RASA3: variants seen among roughly 807,000 people sequenced by gnomAD.
RASA3 encodes the protein RAS p21 protein activator 3.
Under a neutral mutation model 110.0 loss-of-function variants are expected in RASA3, and 73 were observed. That is an observed-to-expected ratio of 0.66 (90% CI 0.55 to 0.81). The LOEUF (loss-of-function observed/expected upper bound fraction) is 0.81. RASA3 is among the 30% of genes least tolerant of loss of function. RASA3 has a pLI of 0.00. For missense variants in RASA3, 976 were observed against 1,113.2 expected, an observed-to-expected ratio of 0.88 and a Z score of 1.75; for synonymous variants, 500 against 451.4, an observed-to-expected ratio of 1.11 and a Z score of -1.37.
At chr13:114,064,903 G>C (rs188171878) in intron 2 of RASA3, among the ~76,000 whole-genome samples, 209 of 152,340 alleles carry the variant, frequency 1.4e-3, no homozygotes, top group African/African-American at 4.8e-3. Flanking sequence ...GACCAGGCTC[G>C]CCTGAAATCC....
At chr13:114,098,290 T>C (rs975632960) in intron 1 of RASA3, among the ~76,000 whole-genome samples, 3 of 151,960 alleles carry the variant, frequency 2.0e-5, no homozygotes, top group Non-Finnish European at 4.4e-5. Context: ...GGGGCAGAGC[T>C]GAGAGGACAG....
chr13:114,064,720 C>G lies in RASA3; in HGVS notation c.173+9000G>C, dbSNP rs143715552. Among the ~76,000 whole-genome samples, 1,301 of 152,374 alleles carry G rather than the reference C, an allele frequency of 8.5e-3. 7 individuals are homozygous for G. The highest frequency in any genetic ancestry group is 0.015 in the Non-Finnish European group (1,030 of 68,036). The stretch of plus-strand genomic sequence containing the variant: ...GGGCCACACAGCCACCAGGTGCCCC[C>G]CTTCCCATCAGCAGCTTAACCTCGG... On this transcript the variant is annotated intron_variant, in intron 2 of 23. Coordinates refer to ENST00000334062, the MANE Select transcript of RASA3 (RefSeq NM_007368.4).
intron 1 of RASA3, among the ~76,000 whole-genome samples, chr13:114,081,924 A>C (rs1594437866): frequency 1.3e-5 from 2 of 152,180 alleles, no homozygotes; most frequent in African/African-American, 4.8e-5. Context: ...TCCTCTCCTG[A>C]GTCCACACAC....
chr13:114,037,122 C>T (rs949377889), intron 4 of RASA3, among the ~76,000 whole-genome samples: 1 of 152,310 alleles, frequency 6.6e-6, no homozygotes, highest in Non-Finnish European at 1.5e-5. Context: ...CACGGGTACG[C>T]AGCCTCGGGC....
chr13:114,043,800 G>C (rs1163244333), intron 3 of RASA3, among the ~76,000 whole-genome samples: 1 of 150,468 alleles, frequency 6.6e-6, no homozygotes, highest in East Asian at 2.0e-4. Flanking sequence ...GTGGACGACA[G>C]CCAGGACACC....
chr13:113,993,353 T>G (rs1391190669), intron 21 of RASA3, among the ~76,000 whole-genome samples: 2 of 152,054 alleles, frequency 1.3e-5, no homozygotes, highest in Non-Finnish European at 2.9e-5. Flanking sequence ...TTTTTGTATT[T>G]TTAGTAGAGA....
Position 113,979,085 on chromosome 13 carries a change from C to T in RASA3, c.*262G>A, listed in dbSNP as rs2052844471. The T allele has an allele frequency of 3.9e-6, 2 of 506,350 alleles. No homozygotes were observed. Among genetic ancestry groups the T allele is most frequent in the African/African-American group, 1.9e-5 (1 of 51,872 alleles). 31.4% of individuals were successfully genotyped at this position (506,350 alleles called of 1,614,324 possible). A position where few individuals can be genotyped will look rare whatever the true frequency, so the allele number is the denominator to read the frequency against. ...CACACTTCCTGATCCTTCAGCTGATCCCCAGATCCCCACAAACAAGGAGCA... is the reference window on the plus strand; with the variant it reads ...CACACTTCCTGATCCTTCAGCTGATTCCCAGATCCCCACAAACAAGGAGCA... On this transcript the variant is annotated 3_prime_UTR_variant, in exon 24 of 24. Coordinates refer to ENST00000334062, the MANE Select transcript of RASA3 (RefSeq NM_007368.4).
intron 18 of RASA3, among the ~76,000 whole-genome samples, chr13:114,005,127 T>C (rs1451996052): frequency 6.6e-6 from 1 of 151,570 alleles, no homozygotes; most frequent in Non-Finnish European, 1.5e-5. Flanking sequence ...CTCGGAAGGG[T>C]GGAGGTGGGA....
chr13:114,080,811 C>G (rs1233638342), intron 1 of RASA3, among the ~76,000 whole-genome samples: 1 of 144,032 alleles, frequency 6.9e-6, no homozygotes, highest in Non-Finnish European at 1.5e-5. Flanking sequence ...CAGTGTCCTG[C>G]TGCACACGGT....
At position 114,027,410 on chromosome 13, in the gene RASA3, G is replaced by C. The variant is rs143090287; in HGVS notation, c.582C>G (p.Phe194Leu). The change falls in exon 7 of 24, where the codon TTC becomes TTG. Residue 194 changes from phenylalanine to leucine, a missense_variant. Around this residue, in one of 4 missense-constraint regions of RASA3, gnomAD observed 732 missense variants for 779.7 expected, o/e 0.94. Coordinates refer to ENST00000334062, the MANE Select transcript of RASA3 (RefSeq NM_007368.4). ...KVKRKTNNPQ[F>L]DEVFYFEVTR... ...CAACCTCAAAATAAAACACTTCATC[G>C]AACTGGGGATTGTTGGTCTTCCTCT... 6.2e-7 allele frequency: 1 copy of C among 1,612,744 alleles called. No individual in the cohort carries two copies. The highest frequency in any genetic ancestry group is 2.2e-5 in the East Asian group (1 of 44,872).
At position 114,068,187 on chromosome 13, in the gene RASA3, C is replaced by T. The variant is rs539432645; in HGVS notation, c.173+5533G>A. On this transcript the variant is annotated intron_variant, in intron 2 of 23. Coordinates refer to ENST00000334062, the MANE Select transcript of RASA3 (RefSeq NM_007368.4). ...CCCCGAGATGGGCATGCAAATGAACCCTGCAAAGGACGCAGGAGCAACTCC... is the reference window on the plus strand; with the variant it reads ...CCCCGAGATGGGCATGCAAATGAACTCTGCAAAGGACGCAGGAGCAACTCC... 5.3e-5 allele frequency among the ~76,000 whole-genome samples: 8 copies of T among 152,342 alleles called. No homozygotes were observed. In the South Asian group the frequency reaches 1.0e-3, roughly 20 times the overall value.
chr13:114,036,132 C>T (rs558841505), intron 4 of RASA3: 2 of 152,380 alleles, frequency 1.3e-5, no homozygotes, highest in African/African-American at 4.8e-5. Context: ...CCGCGGATGC[C>T]TCGCTGTCAC....
chr13:114,106,977 T>C (rs2080142692), intron 1 of RASA3, among the ~76,000 whole-genome samples: 1 of 152,218 alleles, frequency 6.6e-6, no homozygotes, highest in Admixed American at 6.5e-5. Context: ...GTTAACTCTT[T>C]TCCCTCCCTC....
chr13:114,078,514 A>C (rs2079729503), intron 1 of RASA3, among the ~76,000 whole-genome samples: 1 of 152,216 alleles, frequency 6.6e-6, no homozygotes, highest in Non-Finnish European at 1.5e-5. Context: ...CATGCCTCTA[A>C]AACATATGCG....
intron 20 of RASA3, among the ~76,000 whole-genome samples, 187 bp from the exon 21 acceptor site, chr13:113,996,926 CT>C (rs2053270367): frequency 6.6e-6 from 1 of 152,252 alleles, no homozygotes; most frequent in Non-Finnish European, 1.5e-5. Context: ...ATGGAGCTCT[CT>C]GCCACCCTAA....
chr13:114,072,857 C>T (rs982980552), intron 2 of RASA3, among the ~76,000 whole-genome samples: 1 of 151,720 alleles, frequency 6.6e-6, no homozygotes, highest in Non-Finnish European at 1.5e-5. Context: ...CGTACACGCT[C>T]GGGACACTGT....
chr13:114,001,623 G>C (rs573665237), intron 18 of RASA3, among the ~76,000 whole-genome samples: 1 of 148,544 alleles, frequency 6.7e-6, no homozygotes, highest in Non-Finnish European at 1.5e-5. Flanking sequence ...GGGTCAGGGC[G>C]GGCAGTGGAT....
At chr13:114,026,562 C>G (rs1359686145) in intron 7 of RASA3, among the ~76,000 whole-genome samples, 3 of 152,198 alleles carry the variant, frequency 2.0e-5, no homozygotes, top group Non-Finnish European at 4.4e-5. Flanking sequence ...CCTACTCAGT[C>G]AGGACCCACT....
At chr13:114,058,347 C>A (rs1054709860) in intron 2 of RASA3, among the ~76,000 whole-genome samples, 3 of 152,214 alleles carry the variant, frequency 2.0e-5, no homozygotes, top group African/African-American at 4.8e-5. Context: ...GTGAGGCTCA[C>A]CACTCACGTT....
Sources: gnomAD v4.1 joint callset for allele counts (sites outside exome capture counted in the v4.1 genomes callset) on GRCh38, gnomAD v4.1.1 for gene constraint, gnomAD v4.1.1 regional missense constraint, MANE v1.5 for transcripts, NCBI Gene and HGNC (gene_info 2026-07-23, HGNC 2026-07-21) for gene names.